Variants in FSTL5 observed in about 807,000 individuals in gnomAD.
FSTL5 encodes the protein follistatin like 5.
FSTL5 carries 62 observed loss-of-function variants against 89.1 expected under a neutral mutation model. The ratio of observed to expected loss-of-function variants is 0.70; its 90% CI spans 0.57 to 0.86. The LOEUF is 0.86. FSTL5 is among the 40% of genes least tolerant of loss of function. The pLI is 0.00. For synonymous variants in FSTL5, 383 were observed against 346.2 expected, an observed-to-expected ratio of 1.11 and a Z score of -1.18; for missense variants, 1,057 against 1,001.6, an observed-to-expected ratio of 1.06 and a Z score of -0.75.
At chr4:161,591,584 G>A (rs936376158) in intron 7 of FSTL5, among the ~76,000 whole-genome samples, 1 of 152,060 alleles carries the variant, frequency 6.6e-6, no homozygotes, top group Non-Finnish European at 1.5e-5. Context: ...TCTTTTGTGA[G>A]TATGAAAAAA....
chr4:161,913,715 G>A (rs1012831221), intron 4 of FSTL5, among the ~76,000 whole-genome samples: 2 of 152,180 alleles, frequency 1.3e-5, no homozygotes, highest in South Asian at 2.1e-4. Context: ...GAGACCTGGT[G>A]TCAAAGGAGA....
intron 4 of FSTL5, among the ~76,000 whole-genome samples, chr4:161,839,277 G>A (rs760841443): frequency 1.4e-4 from 21 of 152,018 alleles, no homozygotes; most frequent in African/African-American, 1.7e-4. Context: ...ATTCTGTTAC[G>A]GGATGAATGA....
At chr4:161,392,064 G>A (rs1033339878) in intron 15 of FSTL5, among the ~76,000 whole-genome samples, 17 of 152,038 alleles carry the variant, frequency 1.1e-4, no homozygotes, top group Non-Finnish European at 2.5e-4. Flanking sequence ...ATTCTGATAT[G>A]TAGGGACTCT....
chr4:161,777,168 T>C (rs978112738), intron 4 of FSTL5, among the ~76,000 whole-genome samples: 6 of 151,672 alleles, frequency 4.0e-5, no homozygotes, highest in Admixed American at 1.3e-4. Flanking sequence ...CTTAACATAA[T>C]ATCCACCAGT....
At chr4:161,757,622 T>C (rs1238312885) in intron 6 of FSTL5, among the ~76,000 whole-genome samples, 6 of 152,048 alleles carry the variant, frequency 3.9e-5, no homozygotes, top group Non-Finnish European at 8.8e-5. Flanking sequence ...GTTCTTTTTA[T>C]TTTTTTATTT....
At chr4:161,963,166 C>CT (rs1191899252) in intron 3 of FSTL5, among the ~76,000 whole-genome samples, 4 of 151,518 alleles carry the variant, frequency 2.6e-5, no homozygotes, top group Non-Finnish European at 4.4e-5. Flanking sequence ...ACAGTTACTG[C>CT]TTTTTTTTCA....
chr4:161,621,398 T>C (rs550832582), intron 7 of FSTL5, among the ~76,000 whole-genome samples: 98 of 152,084 alleles, frequency 6.4e-4, no homozygotes, highest in African/African-American at 2.2e-3. Context: ...GATTTCAAAA[T>C]ATTTAAGCAG....
intron 1 of FSTL5, among the ~76,000 whole-genome samples, chr4:162,159,189 A>G (rs900677440): frequency 8.5e-5 from 13 of 152,098 alleles, no homozygotes; most frequent in Admixed American, 7.2e-4. Flanking sequence ...TACAAAAGGT[A>G]AATTATTTCC....
chr4:161,566,038 A>G (rs1732789186), intron 8 of FSTL5, among the ~76,000 whole-genome samples: 1 of 147,998 alleles, frequency 6.8e-6, no homozygotes, highest in Non-Finnish European at 1.5e-5. Flanking sequence ...CCAACAGTGT[A>G]TAAGTGTTCA....
chr4:161,971,027 A>T, intron 3 of FSTL5, among the ~76,000 whole-genome samples: 1 of 147,752 alleles, frequency 6.8e-6, no homozygotes. Context: ...TCATCTGGGT[A>T]TATAAATTAT....
chr4:162,080,956 A>C (rs1379807340), intron 2 of FSTL5, among the ~76,000 whole-genome samples: 1 of 151,678 alleles, frequency 6.6e-6, no homozygotes, highest in Non-Finnish European at 1.5e-5. Context: ...TTGGTTTAAA[A>C]AGTATTATTC....
chr4:161,789,199 TTAAAA>T (rs1397754306), intron 4 of FSTL5, among the ~76,000 whole-genome samples: 8 of 152,144 alleles, frequency 5.3e-5, no homozygotes, highest in African/African-American at 1.9e-4. Context: ...GGCTCTATAA[TTAAAA>T]TAAAATATGG....
chr4:161,904,018 A>G (rs1433587164), intron 4 of FSTL5, among the ~76,000 whole-genome samples: 2 of 152,170 alleles, frequency 1.3e-5, no homozygotes, highest in African/African-American at 2.4e-5. Context: ...TAAAAAGAAA[A>G]ATTTCCTTGA....
chr4:161,441,718 C>A (rs1034074710), intron 15 of FSTL5, among the ~76,000 whole-genome samples: 3 of 152,030 alleles, frequency 2.0e-5, no homozygotes, highest in African/African-American at 7.2e-5. Context: ...TTATTACTCC[C>A]AGGGTTCAAG....
intron 6 of FSTL5, among the ~76,000 whole-genome samples, chr4:161,713,443 T>C (rs1303190103): frequency 1.3e-5 from 2 of 152,306 alleles, no homozygotes; most frequent in Non-Finnish European, 2.9e-5. Flanking sequence ...TTTCCTACTG[T>C]GTGACTTTAC....
intron 6 of FSTL5, among the ~76,000 whole-genome samples, chr4:161,671,310 A>G (rs2126698259): frequency 6.6e-6 from 1 of 152,324 alleles, no homozygotes; most frequent in South Asian, 2.1e-4. Context: ...CCCTGGACCA[A>G]ATCTGTTCTG....
chr4:161,532,633 A>G (rs989241878), intron 10 of FSTL5, among the ~76,000 whole-genome samples: 16 of 151,722 alleles, frequency 1.1e-4, no homozygotes, highest in African/African-American at 3.9e-4. Flanking sequence ...CAGACACACA[A>G]TAACAGTGGG....
At chr4:162,137,182 A>C (rs144203266) in intron 1 of FSTL5, among the ~76,000 whole-genome samples, 23 of 152,230 alleles carry the variant, frequency 1.5e-4, no homozygotes, top group African/African-American at 5.3e-4. Context: ...AATAAACAAA[A>C]ACTGATAAAT....
In FSTL5 at chr4:161,459,265, G is replaced by A; in HGVS notation, c.1663C>T (p.Gln555Ter). The change falls in exon 14 of 16, where the codon CAG (glutamine) becomes TAG (stop). Residue 555 changes from glutamine (Q) to a stop codon, truncating the protein, a stop_gained. Transcript: ENST00000306100. LOFTEE classifies it high-confidence loss of function. ...GTACCCCAGCTTAGCACCCAGACCT[G>A]ATCATGTGATTTGTCATAGTGTAAT... ...VKLHYDKSHD[Q>*]VWVLSWGTLE... 6.2e-7 allele frequency: 1 copy of A among 1,613,432 alleles called. No individual in the cohort carries two copies. The highest frequency in any genetic ancestry group is 8.5e-7 in the Non-Finnish European group (1 of 1,179,534).
Sources: allele counts gnomAD v4.1 joint callset (sites outside exome capture counted in the v4.1 genomes callset), GRCh38; gene constraint gnomAD v4.1.1; transcripts MANE v1.5; gene names NCBI Gene and HGNC (gene_info 2026-07-23, HGNC 2026-07-21).